CLCN4: variants seen among roughly 807,000 people sequenced by gnomAD.
CLCN4 encodes Cl-/H+ antiporter 4, also known as H(+)/Cl(-) exchange transporter 4.
Under a neutral mutation model 41.7 loss-of-function variants are expected in CLCN4, and 1 was observed. The observed-to-expected ratio is 0.02, with a 90% CI of 0.01 to 0.11. CLCN4 has a LOEUF of 0.11. Ranked by LOEUF, CLCN4 falls within the 10% of genes least tolerant of loss-of-function variation. The probability of loss-of-function intolerance (pLI) is 1.00; values close to 1 mark genes in which losing one functional copy is unlikely to be tolerated. For synonymous variants in CLCN4, 277 were observed against 285.8 expected (o/e 0.97, Z 0.31); for missense variants, 287 against 661.0 (o/e 0.43, Z 6.20).
intron 6 of CLCN4, among the ~76,000 whole-genome samples, chrX:10,204,433 A>G (rs1023812862): frequency 1.8e-5 from 2 of 111,216 alleles, no homozygotes; most frequent in Non-Finnish European, 3.8e-5. Flanking sequence ...CTACTGTTGT[A>G]TTAAGAATAT....
At chrX:10,211,138 C>T (rs753197506) in intron 9 of CLCN4, among the ~76,000 whole-genome samples, 3 of 105,867 alleles carry the variant, frequency 2.8e-5, no homozygotes, top group Non-Finnish European at 3.9e-5. Context: ...TGGTGACACA[C>T]GCCTGTGGTC....
At chrX:10,218,138 A>C (rs1410093408) in intron 11 of CLCN4, among the ~76,000 whole-genome samples, 1 of 112,154 alleles carries the variant, frequency 8.9e-6, no homozygotes, top group Non-Finnish European at 1.9e-5. Context: ...TTTTAAAAAC[A>C]GTTTAACTAT....
intron 2 of CLCN4, among the ~76,000 whole-genome samples, chrX:10,179,137 T>C (rs1443666747): frequency 8.9e-6 from 1 of 112,700 alleles, no homozygotes; most frequent in Non-Finnish European, 1.9e-5. Context: ...GCAGTGAAGA[T>C]AGCGCTGAAC....
At chrX:10,217,163 C>T (rs977452463) in intron 11 of CLCN4, among the ~76,000 whole-genome samples, 13 of 107,546 alleles carry the variant, frequency 1.2e-4, no homozygotes, top group African/African-American at 4.4e-4. Context: ...TGCAGTGGCG[C>T]GATCATAGCT....
At chrX:10,229,618 C>A (rs1390923866) in intron 12 of CLCN4, among the ~76,000 whole-genome samples, 2 of 100,515 alleles carry the variant, frequency 2.0e-5, no homozygotes, top group Non-Finnish European at 4.0e-5. Context: ...TTGTTCAATT[C>A]CCACCTATGA....
intron 9 of CLCN4, among the ~76,000 whole-genome samples, chrX:10,208,818 G>A (rs912546722): frequency 3.6e-5 from 4 of 111,875 alleles, no homozygotes; most frequent in Non-Finnish European, 7.5e-5. Context: ...AGGAAACTAA[G>A]GCTCTGAGAT....
intron 4 of CLCN4, among the ~76,000 whole-genome samples, chrX:10,188,280 A>G (rs1238067426): frequency 8.9e-6 from 1 of 112,462 alleles, no homozygotes; most frequent in Non-Finnish European, 1.9e-5. Flanking sequence ...GGACTGTTTT[A>G]TCTTCAATAA....
At chrX:10,216,777 G>C (rs1264942691) in intron 11 of CLCN4, among the ~76,000 whole-genome samples, 1 of 103,860 alleles carries the variant, frequency 9.6e-6, no homozygotes, top group Admixed American at 1.0e-4. Flanking sequence ...TAAGTGTCAG[G>C]TCTGTCAGAC....
intron 2 of CLCN4, among the ~76,000 whole-genome samples, chrX:10,175,833 T>G (rs1923505466): frequency 9.1e-6 from 1 of 109,794 alleles, no homozygotes; most frequent in Admixed American, 9.7e-5. Context: ...GAAACTTTTC[T>G]GATTGTAGGA....
intron 4 of CLCN4, among the ~76,000 whole-genome samples, chrX:10,188,953 C>T (rs1923884728): frequency 8.9e-6 from 1 of 112,142 alleles, no homozygotes; most frequent in African/African-American, 3.2e-5. Flanking sequence ...CTACTAGTCA[C>T]AGATGCTGTC....
intron 11 of CLCN4, among the ~76,000 whole-genome samples, chrX:10,219,910 A>G (rs939439269): frequency 2.7e-5 from 3 of 112,275 alleles, no homozygotes; most frequent in African/African-American, 9.7e-5. Flanking sequence ...CACCGCGTTA[A>G]GCTGTATTTC....
intron 11 of CLCN4, among the ~76,000 whole-genome samples, chrX:10,216,916 T>TACACACACACAC (rs769661442): frequency 2.0e-4 from 4 of 20,428 alleles, no homozygotes; most frequent in African/African-American, 7.8e-4. Context: ...TATATATATA[T>TACACACACACAC]ATACACACAC....
intron 2 of CLCN4, among the ~76,000 whole-genome samples, chrX:10,164,361 G>C (rs931388373): frequency 8.9e-6 from 1 of 111,880 alleles, no homozygotes; most frequent in Non-Finnish European, 1.9e-5. Flanking sequence ...CAGGTGCTCA[G>C]AGGGGCGCAG....
chrX:10,231,951 C>G (rs1053910116), intron 12 of CLCN4, among the ~76,000 whole-genome samples: 18 of 112,371 alleles, frequency 1.6e-4, no homozygotes, highest in African/African-American at 5.5e-4. Context: ...TTCTGTCCTG[C>G]TTCCTACGTT....
chrX:10,186,019 G>T (rs1005160944), intron 3 of CLCN4, among the ~76,000 whole-genome samples: 3 of 111,241 alleles, frequency 2.7e-5, no homozygotes, highest in Admixed American at 9.5e-5. Context: ...ATTTTGAGGC[G>T]CCACGGACGG....
intron 11 of CLCN4, among the ~76,000 whole-genome samples, chrX:10,214,508 A>G (rs1326331843): frequency 8.9e-6 from 1 of 112,658 alleles, no homozygotes; most frequent in African/African-American, 3.2e-5. Flanking sequence ...TGTCTCAGAG[A>G]CTTTCAGGTG....
chrX:10,198,104 CA>C (rs746860840), intron 6 of CLCN4, 43 bp downstream of exon 6: 4 of 1,171,108 alleles, frequency 3.4e-6, no homozygotes, highest in South Asian at 1.8e-5. Flanking sequence ...ATAAGAATAG[CA>C]AATTCTTCTG....
At chrX:10,196,118 C>T (rs1217543129) in intron 5 of CLCN4, among the ~76,000 whole-genome samples, 2 of 111,990 alleles carry the variant, frequency 1.8e-5, no homozygotes, top group Non-Finnish European at 3.8e-5. Flanking sequence ...CCAATTTGTC[C>T]ACCTTCCTGT....
chrX:10,178,840 CAAAAACAAAACA>C (rs911260605), intron 2 of CLCN4, among the ~76,000 whole-genome samples: 9 of 111,718 alleles, frequency 8.1e-5, no homozygotes, highest in African/African-American at 2.6e-4. Context: ...CAAAAAACAA[CAAAAACAAAACA>C]AAAAACAAAA....
Sources: gnomAD v4.1 joint callset for allele counts (sites outside exome capture counted in the v4.1 genomes callset) on GRCh38, gnomAD v4.1.1 for gene constraint, MANE v1.5 for transcripts, NCBI Gene and HGNC (gene_info 2026-07-23, HGNC 2026-07-21) for gene names.